GUCY1A2: variants seen among roughly 807,000 people sequenced by gnomAD.
The protein encoded by GUCY1A2 is guanylate cyclase soluble subunit alpha-2.
A neutral mutation model predicts 63.5 loss-of-function variants in GUCY1A2; 27 were observed. The ratio of observed to expected loss-of-function variants is 0.43; its 90% CI spans 0.31 to 0.59. The LOEUF (loss-of-function observed/expected upper bound fraction) is 0.59, where lower values mean the gene tolerates loss of function less well. Among genes scored for constraint, GUCY1A2 ranks in the 20% least tolerant of loss-of-function variants. The probability of loss-of-function intolerance (pLI) is 0.11; values close to 1 mark genes in which losing one functional copy is unlikely to be tolerated. For synonymous variants in GUCY1A2, 364 were observed against 343.5 expected (o/e 1.06, Z -0.66); for missense variants, 768 against 913.3 (o/e 0.84, Z 2.05).
chr11:106,954,966 C>T (rs1371378010), intron 3 of GUCY1A2, among the ~76,000 whole-genome samples: 1 of 148,656 alleles, frequency 6.7e-6, no homozygotes, highest in Non-Finnish European at 1.5e-5. Context: ...TTCAATTTGC[C>T]AGTCTGTGTC....
chr11:106,973,075 G>A lies in GUCY1A2; in HGVS notation c.487+5544C>T, dbSNP rs113289495. Among the ~76,000 whole-genome samples, 508 of 152,214 alleles carry A rather than the reference G, an allele frequency of 3.3e-3. 3 individuals are homozygous for A. Among genetic ancestry groups the A allele is most frequent in the African/African-American group, 0.012 (488 of 41,556 alleles). On this transcript the variant is annotated intron_variant, in intron 3 of 7. Transcript: ENST00000526355. The stretch of plus-strand genomic sequence containing the variant: ...TATCTAACTATCTCAGGGAAAGTAT[G>A]TAAGCAGAGAGCAGAATACAGAAGT...
intron 3 of GUCY1A2, among the ~76,000 whole-genome samples, chr11:106,978,172 C>A (rs1387704018): frequency 6.6e-6 from 1 of 152,142 alleles, no homozygotes; most frequent in African/African-American, 2.4e-5. Flanking sequence ...AGATGACCTG[C>A]TTCACTGACA....
intron 4 of GUCY1A2, among the ~76,000 whole-genome samples, chr11:106,899,652 T>C (rs1860100998): frequency 6.6e-6 from 1 of 152,222 alleles, no homozygotes; most frequent in Non-Finnish European, 1.5e-5. Context: ...TACAAAATAA[T>C]TGAGACTAAG....
At chr11:106,719,507 G>A (rs530865429) in intron 6 of GUCY1A2, among the ~76,000 whole-genome samples, 1 of 152,174 alleles carries the variant, frequency 6.6e-6, no homozygotes, top group South Asian at 2.1e-4. Flanking sequence ...AGAAAAAAAG[G>A]AATTTTAATA....
rs1565264768 is a variant in GUCY1A2, at chr11:106,709,491, TATATATA to T, written c.1837-832_1837-826del. ...TAATATATATTATTATATATTTATATATATATAATAATATATATTATTCTATAAATAT... is the reference window on the plus strand; with the variant it reads ...TAATATATATTATTATATATTTATATATAATATATATTATTCTATAAATAT... On this transcript the variant is annotated intron_variant, in intron 6 of 7. Transcript: ENST00000526355. Among the ~76,000 whole-genome samples the T allele has an allele frequency of 6.1e-3, 398 of 65,058 alleles. 10 individuals carry two copies. The highest frequency in any genetic ancestry group is 0.034 in the African/African-American group (383 of 11,378). The allele number at this position is 65,058 out of a possible 152,430, so 42.7% of individuals were successfully genotyped here. A position where few individuals can be genotyped will look rare whatever the true frequency, so the allele number is the denominator to read the frequency against.
chr11:106,933,003 A>G (rs918773903), intron 4 of GUCY1A2, among the ~76,000 whole-genome samples: 1 of 152,184 alleles, frequency 6.6e-6, no homozygotes, highest in Admixed American at 6.5e-5. Context: ...AAGACCTCGA[A>G]CAGTAAGAAT....
intron 4 of GUCY1A2, among the ~76,000 whole-genome samples, chr11:106,906,193 A>T (rs1335869165): frequency 6.6e-6 from 1 of 152,164 alleles, no homozygotes; most frequent in African/African-American, 2.4e-5. Context: ...CAATCTATCC[A>T]TCTGACAAAG....
chr11:106,928,964 GAA>G (rs1860566157), intron 4 of GUCY1A2, among the ~76,000 whole-genome samples: 1 of 152,130 alleles, frequency 6.6e-6, no homozygotes, highest in African/African-American at 2.4e-5. Context: ...ACAGAATAAG[GAA>G]ATGCTGTTAA....
intron 4 of GUCY1A2, among the ~76,000 whole-genome samples, chr11:106,919,770 T>C (rs531345283): frequency 9.2e-5 from 14 of 151,946 alleles, no homozygotes; most frequent in African/African-American, 3.4e-4. Flanking sequence ...AAAAGGAAAA[T>C]AGAGTGGCTA....
intron 5 of GUCY1A2, among the ~76,000 whole-genome samples, chr11:106,806,679 C>G (rs188051887): frequency 6.6e-6 from 1 of 152,126 alleles, no homozygotes; most frequent in Non-Finnish European, 1.5e-5. Flanking sequence ...AAATTATAAC[C>G]CAGGCTTTCT....
chr11:106,980,589 T>G (rs1283426348), intron 2 of GUCY1A2, among the ~76,000 whole-genome samples: 3 of 152,126 alleles, frequency 2.0e-5, no homozygotes. Flanking sequence ...AAAGCAACAT[T>G]AGAGTCAGAC....
intron 4 of GUCY1A2, chr11:106,936,775 A>C: frequency 1.2e-6 from 1 of 854,862 alleles, no homozygotes; most frequent in East Asian, 2.7e-5. Flanking sequence ...CAAACAAAAC[A>C]GTTAAATTAT....
intron 1 of GUCY1A2, among the ~76,000 whole-genome samples, chr11:106,987,407 T>C (rs776682161): frequency 6.6e-6 from 1 of 152,170 alleles, no homozygotes; most frequent in Non-Finnish European, 1.5e-5. Context: ...TCCCAGCACT[T>C]TGGGAGGCCG....
chr11:106,854,859 G>A (rs1859406262), intron 4 of GUCY1A2, among the ~76,000 whole-genome samples: 1 of 152,120 alleles, frequency 6.6e-6, no homozygotes, highest in Non-Finnish European at 1.5e-5. Context: ...TAAGGCTCTG[G>A]GGAGTATCAG....
chr11:106,817,586 T>C (rs372626328), intron 4 of GUCY1A2, among the ~76,000 whole-genome samples: 4 of 152,060 alleles, frequency 2.6e-5, no homozygotes, highest in African/African-American at 9.6e-5. Flanking sequence ...TAGGGGAAAA[T>C]ATTTGCAAAC....
intron 4 of GUCY1A2, among the ~76,000 whole-genome samples, chr11:106,821,439 T>G (rs1221237796): frequency 2.6e-5 from 4 of 152,176 alleles, no homozygotes; most frequent in Admixed American, 2.6e-4. Context: ...TTTCCTTGCT[T>G]TAAAACCAAC....
intron 1 of GUCY1A2, among the ~76,000 whole-genome samples, chr11:106,996,203 A>C (rs1861533220): frequency 6.6e-6 from 1 of 152,178 alleles, no homozygotes; most frequent in South Asian, 2.1e-4. Context: ...CAACAAAGGG[A>C]GGATATGGAG....
intron 4 of GUCY1A2, among the ~76,000 whole-genome samples, chr11:106,933,531 G>T (rs1210060223): frequency 6.6e-6 from 1 of 152,182 alleles, no homozygotes; most frequent in African/African-American, 2.4e-5. Flanking sequence ...GTGAAAAACA[G>T]TTTGGAGATT....
At chr11:106,752,646 T>C (rs1410942068) in intron 6 of GUCY1A2, among the ~76,000 whole-genome samples, 1 of 152,124 alleles carries the variant, frequency 6.6e-6, no homozygotes, top group Non-Finnish European at 1.5e-5. Flanking sequence ...TTGCTGAGAA[T>C]GATGGTTTCC....
Sources: gnomAD v4.1 joint callset for allele counts (sites outside exome capture counted in the v4.1 genomes callset) on GRCh38, gnomAD v4.1.1 for gene constraint, MANE v1.5 for transcripts, NCBI Gene and HGNC (gene_info 2026-07-23, HGNC 2026-07-21) for gene names.